Variants in CNST observed in about 807,000 individuals in gnomAD.
The protein encoded by CNST is consortin, connexin sorting protein, also known as consortin.
Under a neutral mutation model 72.4 loss-of-function variants are expected in CNST, and 39 were observed. That is an observed-to-expected ratio of 0.54 (90% CI 0.42 to 0.70). CNST has a LOEUF of 0.70. Among genes scored for constraint, CNST ranks in the 30% least tolerant of loss-of-function variants. The pLI is 0.00. For missense variants in CNST, 871 were observed against 868.5 expected, an observed-to-expected ratio of 1.00 and a Z score of -0.04; for synonymous variants, 332 against 320.1, an observed-to-expected ratio of 1.04 and a Z score of -0.40.
At chr1:246,626,037 C>T (rs114145436) in intron 3 of CNST, among the ~76,000 whole-genome samples, 255 of 151,798 alleles carry the variant, frequency 1.7e-3, no homozygotes, top group African/African-American at 5.8e-3. Flanking sequence ...ATGCCTTCTC[C>T]GGCTCATTTT....
chr1:246,591,142 AC>A (rs1481992972), intron 1 of CNST, among the ~76,000 whole-genome samples: 1 of 152,154 alleles, frequency 6.6e-6, no homozygotes, highest in Non-Finnish European at 1.5e-5. Flanking sequence ...TCAGCACATA[AC>A]CTATTTAACT....
chr1:246,613,695 C>G (rs1405098684), intron 2 of CNST, among the ~76,000 whole-genome samples: 1 of 105,268 alleles, frequency 9.5e-6, no homozygotes, highest in Non-Finnish European at 1.9e-5. Flanking sequence ...CTCCCTCTCT[C>G]CCTCTTCCCG....
At chr1:246,644,387 C>T (rs1665912376) in intron 8 of CNST, among the ~76,000 whole-genome samples, 1 of 18,094 alleles carries the variant, frequency 5.5e-5, no homozygotes. Flanking sequence ...GACTCTGTCT[C>T]CAAAAAAAAA....
intron 9 of CNST, among the ~76,000 whole-genome samples, chr1:246,659,979 G>T (rs2103166107): frequency 6.6e-6 from 1 of 152,304 alleles, no homozygotes; most frequent in African/African-American, 2.4e-5. Flanking sequence ...GAGTTCAGGG[G>T]TTAAAAAAGG....
In CNST at chr1:246,621,531, A is replaced by T. The variant is rs1264775009; in HGVS notation, c.482A>T (p.Glu161Val). ...GAAGCTGCTGAAGTAAATGCTAATG[A>T]GCAGCCAGAGGCGCCAAAGCTTGTT... is the stretch of plus-strand genomic sequence containing the variant. ...DEEAAEVNAN[E>V]QPEAPKLVLQ... The change falls in exon 3 of 11, where the codon GAG becomes GTG. Residue 161 changes from glutamate to valine, a missense_variant. Glu to Val is a moderately radical substitution (Grantham distance 121). Transcript: ENST00000366513. The T allele has an allele frequency of 1.8e-5, 29 of 1,614,072 alleles. No homozygotes were observed. Among genetic ancestry groups the T allele is most frequent in the Non-Finnish European group, 2.5e-5 (29 of 1,180,030 alleles).
chr1:246,623,582 T>A lies in CNST; in HGVS notation c.585+1948T>A, dbSNP rs988941529. Among the ~76,000 whole-genome samples the A allele has an allele frequency of 4.6e-5, 7 of 152,116 alleles. No individual in the cohort carries two copies. In the East Asian group the frequency reaches 5.8e-4, roughly 13 times the overall value. On this transcript the variant is annotated intron_variant, in intron 3 of 10. Transcript: ENST00000366513. ...GCCTGGCCAACACAGTGAAACCTCA[T>A]CTCTTCTAAAAATATACACACACAA...
intron 1 of CNST, among the ~76,000 whole-genome samples, chr1:246,572,789 CT>C (rs1400770322): frequency 6.6e-6 from 1 of 152,074 alleles, no homozygotes; most frequent in East Asian, 1.9e-4. Flanking sequence ...TCTTGAACTC[CT>C]GAGCTCGAGC....
chr1:246,586,111 A>ATATATATGTGTGTGTGTG (rs777928408), intron 1 of CNST, among the ~76,000 whole-genome samples: 18 of 102,696 alleles, frequency 1.8e-4, no homozygotes, highest in African/African-American at 7.2e-4. Flanking sequence ...ATATATATAT[A>ATATATATGTGTGTGTGTG]TGTGTGTGTG....
chr1:246,590,793 A>G (rs1228797218), intron 1 of CNST, among the ~76,000 whole-genome samples: 1 of 151,422 alleles, frequency 6.6e-6, no homozygotes, highest in East Asian at 1.9e-4. Context: ...TATTAGTGGT[A>G]TCCTTCAAGC....
At chr1:246,616,932 A>G (rs797000060) in intron 2 of CNST, among the ~76,000 whole-genome samples, 1 of 151,852 alleles carries the variant, frequency 6.6e-6, no homozygotes, top group Non-Finnish European at 1.5e-5. Context: ...TGAAATTCAC[A>G]CGGAAAAATA....
rs1177321613 is a variant in CNST at position 246,666,081 on chromosome 1, A to G, written c.*176A>G. 4 of 583,422 alleles carry G rather than the reference A, an allele frequency of 6.9e-6. No individual in the cohort carries two copies. The highest frequency in any genetic ancestry group is 6.0e-5 in the Admixed American group (2 of 33,134). 36.1% of individuals were successfully genotyped at this position (583,422 alleles called of 1,614,324 possible). ...GGAACTCTGTTAGAATAATCCACAC[A>G]GTGAGGCAAATATCAATCTAAGCAT... is the stretch of plus-strand genomic sequence containing the variant. On this transcript the variant is annotated 3_prime_UTR_variant, in exon 11 of 11. Coordinates refer to ENST00000366513, the MANE Select transcript of CNST (RefSeq NM_152609.3).
chr1:246,623,976 T>C (rs1055083035), intron 3 of CNST, among the ~76,000 whole-genome samples: 3 of 151,498 alleles, frequency 2.0e-5, no homozygotes, highest in Non-Finnish European at 2.9e-5. Flanking sequence ...GGTGGGAGGA[T>C]TGCATGAGCC....
chr1:246,567,996 CT>C (rs1349660114), intron 1 of CNST, among the ~76,000 whole-genome samples: 1 of 152,118 alleles, frequency 6.6e-6, no homozygotes. Context: ...GAATTTCTGA[CT>C]TTTTAAAAAA....
At chr1:246,659,550 G>A (rs570757411) in intron 9 of CNST, among the ~76,000 whole-genome samples, 47 of 151,748 alleles carry the variant, frequency 3.1e-4, no homozygotes, top group African/African-American at 9.2e-4. Context: ...AGCCGAGATC[G>A]CGCCACTGCA....
At chr1:246,633,143 A>G (rs202160230) in intron 4 of CNST, among the ~76,000 whole-genome samples, 1 of 152,142 alleles carries the variant, frequency 6.6e-6, no homozygotes, top group African/African-American at 2.4e-5. Flanking sequence ...AAATTTACCT[A>G]CTTCAAAACC....
intron 8 of CNST, among the ~76,000 whole-genome samples, chr1:246,645,268 A>G (rs958773255): frequency 2.0e-5 from 3 of 148,974 alleles, no homozygotes; most frequent in African/African-American, 7.3e-5. Flanking sequence ...TAAAGTATCA[A>G]TATGTTTTTG....
intron 10 of CNST, among the ~76,000 whole-genome samples, chr1:246,663,512 G>A (rs1448041362): frequency 1.3e-5 from 2 of 151,910 alleles, no homozygotes; most frequent in African/African-American, 2.4e-5. Context: ...AGGCCAAGGC[G>A]GGCAAATCAC....
intron 2 of CNST, among the ~76,000 whole-genome samples, chr1:246,611,867 G>A (rs936698741): frequency 6.6e-6 from 1 of 152,202 alleles, no homozygotes; most frequent in Non-Finnish European, 1.5e-5. Flanking sequence ...ACAAGATGTA[G>A]TATATACATA....
intron 2 of CNST, chr1:246,605,871 TC>T (rs1273957071): frequency 6.6e-6 from 1 of 151,298 alleles, no homozygotes; most frequent in African/African-American, 2.4e-5. Flanking sequence ...CCGGCCCTCT[TC>T]CTGCTTCTGC....
Sources: allele counts gnomAD v4.1 joint callset (sites outside exome capture counted in the v4.1 genomes callset), GRCh38; gene constraint gnomAD v4.1.1; transcripts MANE v1.5; gene names NCBI Gene and HGNC (gene_info 2026-07-23, HGNC 2026-07-21).